ZNF30: variants seen among roughly 807,000 people sequenced by gnomAD.
The protein encoded by ZNF30 is zinc finger protein 30 (KOX 28).
In ZNF30, 15 loss-of-function variants were observed where a neutral mutation model predicts 13.2. That is an observed-to-expected ratio of 1.13 (90% CI 0.76 to 1.75). ZNF30 has a LOEUF of 1.75. Among genes scored for constraint, ZNF30 ranks in the 40% most tolerant of loss-of-function variants. The pLI, the probability that ZNF30 is intolerant of heterozygous loss-of-function variation, is 0.00. For missense variants in ZNF30, 726 were observed against 757.0 expected (o/e 0.96, Z 0.48); for synonymous variants, 223 against 256.6 (o/e 0.87, Z 1.25).
At chr19:34,936,316 C>G (rs1174736751) in intron 4 of ZNF30, among the ~76,000 whole-genome samples, 1 of 152,072 alleles carries the variant, frequency 6.6e-6, no homozygotes. Context: ...GAGTGTTCAT[C>G]ATACATTTTA....
chr19:34,926,789 G>T, upstream of ZNF30: 1 of 395,908 alleles, frequency 2.5e-6, no homozygotes, highest in Middle Eastern at 6.4e-4. Flanking sequence ...TCGGGCCTCA[G>T]GTGTCAGACG....
Position 34,943,993 on chromosome 19 carries a change from C to T in ZNF30, c.1027C>T (p.Pro343Ser). The part of the protein sequence containing the change: ...RHQSIHTGEK[P>S]FECKECGKAF... The stretch of plus-strand genomic sequence containing the variant: ...TCAGAGTATTCATACTGGTGAGAAA[C>T]CTTTTGAATGTAAGGAATGTGGAAA... Residue 343 changes from proline (P) to serine (S), a missense_variant, in exon 5 of 5, where the codon CCT (proline) becomes TCT (serine). Transcript: ENST00000601142. 6.2e-7 allele frequency: 1 copy of T among 1,614,010 alleles called. No individual in the cohort carries two copies. The highest frequency in any genetic ancestry group is 8.5e-7 in the Non-Finnish European group (1 of 1,180,022).
chr19:34,937,112 A>G (rs1182244631), intron 4 of ZNF30, among the ~76,000 whole-genome samples: 2 of 151,944 alleles, frequency 1.3e-5, no homozygotes, highest in Non-Finnish European at 2.9e-5. Context: ...CCCTGGTTAA[A>G]GTGATTCTCC....
chr19:34,938,150 T>C (rs1162963638), intron 4 of ZNF30, among the ~76,000 whole-genome samples: 1 of 151,976 alleles, frequency 6.6e-6, no homozygotes, highest in Non-Finnish European at 1.5e-5. Context: ...CACCTAGGGG[T>C]GAAAGCCTGA....
At chr19:34,930,991 A>C (rs1216636777) in intron 2 of ZNF30, among the ~76,000 whole-genome samples, 1 of 151,984 alleles carries the variant, frequency 6.6e-6, no homozygotes, top group African/African-American at 2.4e-5. Context: ...CATTTGTTAC[A>C]GTCTTCGTTT....
intron 4 of ZNF30, among the ~76,000 whole-genome samples, chr19:34,937,996 A>G (rs1282257128): frequency 1.3e-5 from 2 of 152,092 alleles, no homozygotes; most frequent in African/African-American, 4.8e-5. Context: ...GGGTTTCATC[A>G]TGTTGTCCAG....
intron 4 of ZNF30, 108 bp downstream of exon 4, chr19:34,933,831 A>G: frequency 1.3e-6 from 1 of 747,036 alleles, no homozygotes; most frequent in Non-Finnish European, 2.2e-6. Flanking sequence ...TCAAAGCCCT[A>G]GGGCCTGGGT....
At chr19:34,938,041 C>T (rs1379516235) in intron 4 of ZNF30, among the ~76,000 whole-genome samples, 1 of 152,056 alleles carries the variant, frequency 6.6e-6, no homozygotes, top group African/African-American at 2.4e-5. Flanking sequence ...GGTGATCCAC[C>T]CACCTCGGCC....
intron 4 of ZNF30, chr19:34,942,625 T>C (rs1414882843): frequency 3.1e-6 from 4 of 1,289,338 alleles, no homozygotes; most frequent in Admixed American, 2.3e-5. Context: ...AAACAAAACA[T>C]GCCAGAAGAT....
chr19:34,936,817 G>A (rs2012765187), intron 4 of ZNF30, among the ~76,000 whole-genome samples: 1 of 152,016 alleles, frequency 6.6e-6, no homozygotes, highest in Non-Finnish European at 1.5e-5. Context: ...GATGGCTTGA[G>A]CCCAGGAAGT....
intron 1 of ZNF30, among the ~76,000 whole-genome samples, chr19:34,928,220 A>AAAATATATATATATAT (rs1555778254): frequency 2.6e-4 from 19 of 73,380 alleles, no homozygotes; most frequent in Non-Finnish European, 3.1e-4. Context: ...AAAAAAAAAA[A>AAAATATATATATATAT]ATATATATAT....
chr19:34,935,700 G>GTTTTTTTT (rs142285130), intron 4 of ZNF30, among the ~76,000 whole-genome samples: 2 of 84,222 alleles, frequency 2.4e-5, no homozygotes, highest in East Asian at 3.7e-4. Context: ...GTTGTCTATA[G>GTTTTTTTT]TTTTTTTTTT....
rs575342654 is a variant in ZNF30 at position 34,938,917 on chromosome 19, C to T, written c.257-4306C>T. On this transcript the variant is annotated intron_variant, in intron 4 of 4. Coordinates refer to ENST00000601142, the MANE Select transcript of ZNF30 (RefSeq NM_194325.3). ...ACGAGACACACACCAGGTGAGTTGG[C>T]GAGCTGCCGTGACTTAAAGAAGATA... is the stretch of plus-strand genomic sequence containing the variant. Among the ~76,000 whole-genome samples the T allele has an allele frequency of 4.7e-4, 71 of 152,238 alleles. No individual in the cohort carries two copies. In the East Asian group the frequency reaches 6.4e-3, roughly 14 times the overall value.
intron 2 of ZNF30, among the ~76,000 whole-genome samples, chr19:34,931,069 G>T (rs753691217): frequency 2.6e-4 from 33 of 126,820 alleles, no homozygotes; most frequent in Admixed American, 5.8e-4. Context: ...ACTGAGTCTC[G>T]CTCTGTCACC....
chr19:34,940,893 A>G (rs547060700), intron 4 of ZNF30, among the ~76,000 whole-genome samples: 1 of 152,296 alleles, frequency 6.6e-6, no homozygotes, highest in African/African-American at 2.4e-5. Flanking sequence ...CAAAGAGCCC[A>G]CAGAACCAGA....
At chr19:34,942,474 G>A in intron 4 of ZNF30, 1 of 366,292 alleles carries the variant, frequency 2.7e-6, no homozygotes. Flanking sequence ...AAAAGAAAAA[G>A]AAAACCAGTA....
In ZNF30 at chr19:34,943,316, A is replaced by G. The variant is rs1215357312; in HGVS notation, c.350A>G (p.Gln117Arg). Reference sequence around the variant, plus strand: ...GCTCTACATCAGAAAATAAGTAGACAGAAACCACGTGAATGTCAGGAATAT... The same window carrying G: ...GCTCTACATCAGAAAATAAGTAGACGGAAACCACGTGAATGTCAGGAATAT... ...SFALHQKISR[Q>R]KPRECQEYGK... The change falls in exon 5 of 5, where the codon CAG becomes CGG. Residue 117 changes from glutamine to arginine, a missense_variant. By Grantham distance (43) the Gln-to-Arg change is conservative (BLOSUM62 1). Coordinates refer to ENST00000601142, the MANE Select transcript of ZNF30 (RefSeq NM_194325.3). The G allele has an allele frequency of 6.2e-7, 1 of 1,614,024 alleles. No individual in the cohort carries two copies.
chr19:34,934,762 G>A (rs995986727), intron 4 of ZNF30, among the ~76,000 whole-genome samples: 2 of 151,988 alleles, frequency 1.3e-5, no homozygotes, highest in Admixed American at 6.6e-5. Context: ...ACATTTTTAC[G>A]GGGGCTGGGG....
chr19:34,936,129 G>T (rs2012726042), intron 4 of ZNF30, among the ~76,000 whole-genome samples: 1 of 152,184 alleles, frequency 6.6e-6, no homozygotes, highest in Non-Finnish European at 1.5e-5. Context: ...TACAATTCAA[G>T]ATGAGATTTG....
Sources: gnomAD v4.1 joint callset for allele counts (sites outside exome capture counted in the v4.1 genomes callset) on GRCh38, gnomAD v4.1.1 for gene constraint, MANE v1.5 for transcripts, NCBI Gene and HGNC (gene_info 2026-07-23, HGNC 2026-07-21) for gene names.